PRORP: variants seen among roughly 807,000 people sequenced by gnomAD.
PRORP encodes protein only RNase P catalytic subunit, also known as mitochondrial ribonuclease P catalytic subunit.
Under a neutral mutation model 59.4 loss-of-function variants are expected in PRORP, and 51 were observed. The observed-to-expected ratio is 0.86, with a 90% confidence interval of 0.69 to 1.08. The LOEUF is 1.08. Ranked by LOEUF, PRORP falls within the 50% of genes least tolerant of loss-of-function variation. The probability of loss-of-function intolerance (pLI) is 0.00; values close to 1 mark genes in which losing one functional copy is unlikely to be tolerated. For synonymous variants in PRORP, 231 were observed against 245.6 expected (o/e 0.94, Z 0.55); for missense variants, 646 against 690.3 (o/e 0.94, Z 0.72).
At chr14:35,194,824 A>G (rs2048969955) in intron 5 of PRORP, among the ~76,000 whole-genome samples, 2 of 152,220 alleles carry the variant, frequency 1.3e-5, no homozygotes, top group African/African-American at 2.4e-5. Context: ...AATTATAAAG[A>G]AAGTCTTAAA....
At chr14:35,157,954 C>T (rs2047959271) in intron 4 of PRORP, 1 of 199,264 alleles carries the variant, frequency 5.0e-6, no homozygotes, top group Non-Finnish European at 1.1e-5. Flanking sequence ...GAGTTTTGTT[C>T]TGAAATATGT....
chr14:35,220,397 A>G (rs370757141), intron 5 of PRORP, among the ~76,000 whole-genome samples: 10 of 152,198 alleles, frequency 6.6e-5, no homozygotes, highest in South Asian at 4.1e-4. Context: ...TGCACAGTTA[A>G]TAGGGGTTAA....
intron 4 of PRORP, among the ~76,000 whole-genome samples, chr14:35,147,866 C>G (rs1488905276): frequency 6.6e-6 from 1 of 152,212 alleles, no homozygotes; most frequent in Non-Finnish European, 1.5e-5. Context: ...TACAACGTGT[C>G]TACTAGGAGT....
chr14:35,211,065 G>A (rs6571704), intron 5 of PRORP, among the ~76,000 whole-genome samples: 89,896 of 151,796 alleles, frequency 0.59, 27,939 homozygotes, highest in East Asian at 0.75. Flanking sequence ...GAGCCACCAC[G>A]CCTGGTCAAA....
At chr14:35,235,529 T>G (rs912778177) in intron 5 of PRORP, 2 of 585,912 alleles carry the variant, frequency 3.4e-6, no homozygotes, top group African/African-American at 3.7e-5. Flanking sequence ...AGCCTTCTTG[T>G]TCTCCTCCAA....
chr14:35,197,628 T>A (rs773740555), intron 5 of PRORP, among the ~76,000 whole-genome samples: 84 of 152,194 alleles, frequency 5.5e-4, no homozygotes, highest in African/African-American at 1.7e-3. Context: ...TGCAGTGATT[T>A]AGACATGGCT....
chr14:35,157,764 A>G (rs2047952560), intron 4 of PRORP: 1 of 152,646 alleles, frequency 6.6e-6, no homozygotes, highest in Admixed American at 6.5e-5. Context: ...AACAACAACA[A>G]AATAATTTTT....
At chr14:35,225,140 A>G (rs977458749) in intron 5 of PRORP, among the ~76,000 whole-genome samples, 3 of 152,084 alleles carry the variant, frequency 2.0e-5, no homozygotes, top group Non-Finnish European at 4.4e-5. Context: ...TTATTGTTTC[A>G]AGAGGAACTT....
At chr14:35,219,790 T>A (rs1424415249) in intron 5 of PRORP, among the ~76,000 whole-genome samples, 1 of 152,182 alleles carries the variant, frequency 6.6e-6, no homozygotes, top group Non-Finnish European at 1.5e-5. Context: ...AGGTGTCAGT[T>A]TCTGGAAACA....
intron 5 of PRORP, among the ~76,000 whole-genome samples, chr14:35,253,532 A>G (rs1057115849): frequency 2.0e-5 from 3 of 152,142 alleles, no homozygotes; most frequent in African/African-American, 7.2e-5. Flanking sequence ...GAAGAGCAGA[A>G]TCGATTGTTT....
chr14:35,171,077 G>A (rs1040290497), intron 4 of PRORP, among the ~76,000 whole-genome samples: 3 of 152,198 alleles, frequency 2.0e-5, no homozygotes, highest in Admixed American at 6.5e-5. Flanking sequence ...TTGAACTCCC[G>A]ACCTCAGGTG....
intron 5 of PRORP, among the ~76,000 whole-genome samples, chr14:35,265,664 C>T (rs1202171272): frequency 6.6e-6 from 1 of 152,100 alleles, no homozygotes; most frequent in Non-Finnish European, 1.5e-5. Context: ...AAAGTCATAA[C>T]ATAGAAAAGT....
In PRORP at chr14:35,174,868, A is replaced by G. The variant is rs1020394664; in HGVS notation, c.1168-5802A>G. 3.4e-5 allele frequency among the ~76,000 whole-genome samples: 5 copies of G among 145,558 alleles called. No homozygotes were observed. The South Asian group carries it at 9.0e-4, about 26-fold the overall frequency. ...TTAACTCGTCATTTACGTTACGTAT[A>G]TCTCCTAGTGCTATCCCTCCCCCCT... On this transcript the variant is annotated intron_variant, in intron 4 of 7. Transcript: ENST00000534898.
intron 5 of PRORP, among the ~76,000 whole-genome samples, chr14:35,260,926 C>T (rs1335307969): frequency 6.6e-6 from 1 of 152,300 alleles, no homozygotes; most frequent in East Asian, 1.9e-4. Flanking sequence ...CAAAGCGATC[C>T]ATCCAACTTG....
chr14:35,264,612 C>T (rs902729911), intron 5 of PRORP, among the ~76,000 whole-genome samples: 2 of 152,134 alleles, frequency 1.3e-5, no homozygotes, highest in African/African-American at 2.4e-5. Context: ...GCCAACTACT[C>T]CTTACTGAAA....
chr14:35,254,639 G>A (rs1000311431), intron 5 of PRORP, among the ~76,000 whole-genome samples: 4 of 152,134 alleles, frequency 2.6e-5, no homozygotes, highest in Non-Finnish European at 5.9e-5. Context: ...TGCTCCACCC[G>A]CTTTGGCCTC....
intron 5 of PRORP, among the ~76,000 whole-genome samples, chr14:35,246,876 G>A (rs1338851026): frequency 6.6e-6 from 1 of 151,628 alleles, no homozygotes; most frequent in Non-Finnish European, 1.5e-5. Context: ...TCTTTGTTTT[G>A]GATGCGGGGA....
chr14:35,145,732 A>AGAAG (rs554532604), intron 4 of PRORP, among the ~76,000 whole-genome samples: 19,158 of 127,748 alleles, frequency 0.15, 3,230 homozygotes, highest in Middle Eastern at 0.27. Flanking sequence ...AAAGAAAGAA[A>AGAAG]GAAGGAAGGA....
intron 4 of PRORP, among the ~76,000 whole-genome samples, chr14:35,148,731 C>T (rs1345977553): frequency 6.6e-6 from 1 of 152,018 alleles, no homozygotes; most frequent in African/African-American, 2.4e-5. Flanking sequence ...TGTTTTGTCT[C>T]CACGGAAAAT....
Sources: gnomAD v4.1 joint callset for allele counts (sites outside exome capture counted in the v4.1 genomes callset) on GRCh38, gnomAD v4.1.1 for gene constraint, MANE v1.5 for transcripts, NCBI Gene and HGNC (gene_info 2026-07-23, HGNC 2026-07-21) for gene names.